Variants in WAPL observed in about 807,000 individuals in gnomAD.
The protein encoded by WAPL is wings apart-like protein homolog.
In WAPL, 5 loss-of-function variants were observed where a neutral mutation model predicts 121.0. That is an observed-to-expected ratio of 0.04 (90% CI 0.02 to 0.09). The LOEUF is 0.09. WAPL is among the 10% of genes least tolerant of loss of function. WAPL has a pLI of 1.00. For missense variants in WAPL, 999 were observed against 1,410.8 expected, an observed-to-expected ratio of 0.71 and a Z score of 4.68; for synonymous variants, 480 against 481.5, an observed-to-expected ratio of 1.00 and a Z score of 0.04.
chr10:86,491,398 C>T (rs938519242), intron 4 of WAPL, among the ~76,000 whole-genome samples: 6 of 151,978 alleles, frequency 3.9e-5, no homozygotes, highest in Non-Finnish European at 8.8e-5. Context: ...CTCGGCCTCC[C>T]AAAGTGCTAG....
chr10:86,469,490 G>A (rs1284226544), intron 8 of WAPL, among the ~76,000 whole-genome samples: 2 of 151,652 alleles, frequency 1.3e-5, no homozygotes, highest in Non-Finnish European at 2.9e-5. Context: ...CTAAACTCAG[G>A]CAATCTGCCC....
chr10:86,450,973 A>T (rs933640208), intron 15 of WAPL, among the ~76,000 whole-genome samples: 2 of 152,210 alleles, frequency 1.3e-5, no homozygotes, highest in African/African-American at 4.8e-5. Flanking sequence ...CACTTTCCAG[A>T]CTGGGTAAGG....
intron 4 of WAPL, among the ~76,000 whole-genome samples, chr10:86,495,030 T>C (rs1480368474): frequency 6.6e-6 from 1 of 151,962 alleles, no homozygotes; most frequent in African/African-American, 2.4e-5. Flanking sequence ...ATAGGAAAAA[T>C]AAGGCCATAA....
At chr10:86,474,015 A>G in intron 4 of WAPL, 42 bp from the exon 5 acceptor site, 1 of 1,478,470 alleles carries the variant, frequency 6.8e-7, no homozygotes. Context: ...CATCCTTATA[A>G]AAGACTCTCA....
chr10:86,464,551 A>G (rs1841356368), intron 9 of WAPL, among the ~76,000 whole-genome samples: 1 of 152,236 alleles, frequency 6.6e-6, no homozygotes, highest in Non-Finnish European at 1.5e-5. Flanking sequence ...AATAAAAATT[A>G]TACATGTTTT....
At chr10:86,460,847 G>A (rs1841253915) in intron 10 of WAPL, among the ~76,000 whole-genome samples, 1 of 152,074 alleles carries the variant, frequency 6.6e-6, no homozygotes, top group African/African-American at 2.4e-5. Context: ...CCAAGTAGCT[G>A]GGATTACAAG....
In WAPL at chr10:86,473,983, TGAGA is replaced by T. The variant is rs1841594837; in HGVS notation, c.1645-14_1645-11del. On this transcript the variant is annotated splice_polypyrimidine_tract_variant and intron_variant, in intron 4 of 18. Coordinates refer to ENST00000298767, the MANE Select transcript of WAPL (RefSeq NM_015045.5). ...CAGCTTTTGTGGGTGACTAGAGAAA[TGAGA>T]GAAAGATCAACTGCTTCCATCCTTA... 1 of 1,606,580 alleles carries T rather than the reference TGAGA, an allele frequency of 6.2e-7. No individual in the cohort carries two copies.
chr10:86,437,504 C>T lies in WAPL; in HGVS notation c.*39G>A. The T allele has an allele frequency of 6.2e-7, 1 of 1,602,562 alleles. No homozygotes were observed. Among genetic ancestry groups the T allele is most frequent in the Non-Finnish European group, 8.5e-7 (1 of 1,172,336 alleles). ...TTGACTTTTCTTTGTCTAAGGATAG[C>T]TCCAGCATTACCGAGCACCTGAAGC... On this transcript the variant is annotated 3_prime_UTR_variant, in exon 19 of 19. Coordinates refer to ENST00000298767, the MANE Select transcript of WAPL (RefSeq NM_015045.5).
chr10:86,438,049 G>A (rs1475151489), intron 17 of WAPL, 34 bp from the exon 18 acceptor site: 2 of 1,528,762 alleles, frequency 1.3e-6, no homozygotes, highest in African/African-American at 2.7e-5. Context: ...TTGGTCAGCT[G>A]GCAGAAAACA....
Position 86,456,613 on chromosome 10 carries a change from C to T in WAPL, c.2657+2376G>A, listed in dbSNP as rs534313255. On this transcript the variant is annotated intron_variant, in intron 12 of 18. Coordinates refer to ENST00000298767, the MANE Select transcript of WAPL (RefSeq NM_015045.5). ...TCTTAAAGAAACCGTATCTAATCTA[C>T]GCCTAGTTGCCCTTTAAAACATACT... Among the ~76,000 whole-genome samples the T allele has an allele frequency of 4.6e-5, 7 of 152,284 alleles. No homozygotes were observed. The East Asian group carries it at 9.6e-4, about 21-fold the overall frequency.
chr10:86,439,858 G>A (rs895797706), intron 17 of WAPL, among the ~76,000 whole-genome samples: 3 of 152,246 alleles, frequency 2.0e-5, no homozygotes, highest in African/African-American at 7.2e-5. Flanking sequence ...GCTGCAAAGT[G>A]AGAAGACATG....
chr10:86,447,565 G>T (rs1589493421), intron 15 of WAPL, among the ~76,000 whole-genome samples: 1 of 152,098 alleles, frequency 6.6e-6, no homozygotes, highest in East Asian at 1.9e-4. Flanking sequence ...AAAAATCTTG[G>T]CAAGAGTATG....
At chr10:86,501,691 C>A (rs1265443627) in intron 2 of WAPL, among the ~76,000 whole-genome samples, 1 of 152,152 alleles carries the variant, frequency 6.6e-6, no homozygotes, top group African/African-American at 2.4e-5. Flanking sequence ...GGTTTTCCTG[C>A]CCTCAAGACA....
At chr10:86,477,690 A>C (rs761252620) in intron 4 of WAPL, among the ~76,000 whole-genome samples, 1 of 152,106 alleles carries the variant, frequency 6.6e-6, no homozygotes, top group African/African-American at 2.4e-5. Context: ...AGTCCCAGCT[A>C]CTTGGGAGGC....
chr10:86,461,944 A>C (rs1483909561), intron 9 of WAPL, among the ~76,000 whole-genome samples: 1 of 152,122 alleles, frequency 6.6e-6, no homozygotes, highest in African/African-American at 2.4e-5. Flanking sequence ...TTGCAGACTG[A>C]CTAGTTTTTA....
At chr10:86,505,187 TTA>T (rs554851197) in intron 2 of WAPL, among the ~76,000 whole-genome samples, 26 of 32,090 alleles carry the variant, frequency 8.1e-4, no homozygotes, top group East Asian at 6.4e-3. Flanking sequence ...CAGGATTTTT[TTA>T]TGTTTTTTTT....
chr10:86,441,366 T>G (rs1849466529), intron 17 of WAPL, among the ~76,000 whole-genome samples: 1 of 152,114 alleles, frequency 6.6e-6, no homozygotes, highest in African/African-American at 2.4e-5. Context: ...CATTTGTATT[T>G]CTCCTAAGTG....
At chr10:86,486,089 T>C (rs1341670152) in intron 4 of WAPL, among the ~76,000 whole-genome samples, 1 of 152,176 alleles carries the variant, frequency 6.6e-6, no homozygotes, top group Non-Finnish European at 1.5e-5. Context: ...CATTCTTTTT[T>C]TCAGGCTTCA....
chr10:86,448,652 T>C (rs938500966), intron 15 of WAPL, among the ~76,000 whole-genome samples: 6 of 152,170 alleles, frequency 3.9e-5, no homozygotes, highest in African/African-American at 9.7e-5. Flanking sequence ...CTTATTCCCA[T>C]TGCCCAGGCT....
Sources: gnomAD v4.1 joint callset for allele counts (sites outside exome capture counted in the v4.1 genomes callset) on GRCh38, gnomAD v4.1.1 for gene constraint, MANE v1.5 for transcripts, NCBI Gene and HGNC (gene_info 2026-07-23, HGNC 2026-07-21) for gene names.